SUGCT: variants seen among roughly 807,000 people sequenced by gnomAD.
SUGCT encodes the protein succinyl-CoA:glutarate-CoA transferase, also known as succinyl-CoA:glutarate CoA-transferase.
Under a neutral mutation model 55.0 loss-of-function variants are expected in SUGCT, and 41 were observed. That is an observed-to-expected ratio of 0.74 (90% CI 0.58 to 0.97). The LOEUF (loss-of-function observed/expected upper bound fraction) is 0.97. SUGCT is among the 50% of genes least tolerant of loss of function. SUGCT has a pLI of 0.00. For missense variants in SUGCT, 568 were observed against 547.8 expected (o/e 1.04, Z -0.37); for synonymous variants, 187 against 200.4 (o/e 0.93, Z 0.56).
intron 12 of SUGCT, among the ~76,000 whole-genome samples, chr7:40,643,623 T>C (rs1800364175): frequency 6.6e-6 from 1 of 152,246 alleles, no homozygotes; most frequent in Non-Finnish European, 1.5e-5. Flanking sequence ...AAAAAATCTC[T>C]AGGCCTTCTC....
intron 10 of SUGCT, among the ~76,000 whole-genome samples, chr7:40,458,235 C>T (rs1789592077): frequency 6.6e-6 from 1 of 152,188 alleles, no homozygotes; most frequent in Non-Finnish European, 1.5e-5. Context: ...GGCCGCATGG[C>T]CTGCCCCCAG....
intron 13 of SUGCT, among the ~76,000 whole-genome samples, chr7:40,805,206 C>G (rs1431581688): frequency 6.6e-6 from 1 of 152,112 alleles, no homozygotes; most frequent in Non-Finnish European, 1.5e-5. Context: ...GGCATTGTCT[C>G]TAAAGGCACA....
chr7:40,889,148 G>A, the SUGCT span, among the ~76,000 whole-genome samples: 13 of 152,204 alleles, frequency 8.5e-5, no homozygotes, highest in Admixed American at 2.6e-4. Context: ...TACATCGATG[G>A]GCTGGGCAGG....
intron 9 of SUGCT, among the ~76,000 whole-genome samples, chr7:40,367,805 T>C (rs1251197554): frequency 6.6e-6 from 1 of 151,936 alleles, no homozygotes; most frequent in Non-Finnish European, 1.5e-5. Flanking sequence ...GCTTCCACTT[T>C]TGCCTCCCAA....
chr7:40,162,746 C>T (rs930961017), intron 1 of SUGCT, among the ~76,000 whole-genome samples: 5 of 152,212 alleles, frequency 3.3e-5, no homozygotes, highest in South Asian at 2.1e-4. Flanking sequence ...CCTTGGCCTT[C>T]CAAATGTTGG....
At chr7:40,441,659 A>G (rs920036763) in intron 9 of SUGCT, among the ~76,000 whole-genome samples, 1 of 152,204 alleles carries the variant, frequency 6.6e-6, no homozygotes, top group African/African-American at 2.4e-5. Context: ...TGCCTGTTGC[A>G]GAGATGGAGC....
intron 9 of SUGCT, among the ~76,000 whole-genome samples, chr7:40,330,501 G>T (rs1046277959): frequency 6.6e-6 from 1 of 151,240 alleles, no homozygotes; most frequent in Non-Finnish European, 1.5e-5. Flanking sequence ...TTTGCCGGAT[G>T]CCTAGCTTGA....
chr7:40,757,038 A>T (rs528967758), intron 13 of SUGCT, among the ~76,000 whole-genome samples: 2 of 152,204 alleles, frequency 1.3e-5, no homozygotes, highest in Admixed American at 1.3e-4. Flanking sequence ...TCCTTAACCC[A>T]TGGCAGGGTA....
intron 9 of SUGCT, among the ~76,000 whole-genome samples, chr7:40,387,310 A>G (rs1785175624): frequency 6.6e-6 from 1 of 152,082 alleles, no homozygotes; most frequent in South Asian, 2.1e-4. Flanking sequence ...TGATTTCTTT[A>G]CCATGGGGAA....
chr7:40,251,508 A>G (rs1226739314), intron 7 of SUGCT, among the ~76,000 whole-genome samples: 1 of 152,124 alleles, frequency 6.6e-6, no homozygotes, highest in Non-Finnish European at 1.5e-5. Flanking sequence ...TGCTGTCCTT[A>G]TAGGGTTCAG....
At chr7:40,598,062 A>G (rs569487078) in intron 12 of SUGCT, among the ~76,000 whole-genome samples, 5 of 152,192 alleles carry the variant, frequency 3.3e-5, no homozygotes, top group East Asian at 1.9e-4. Context: ...TAGTGTACCC[A>G]TGGCTTCTCA....
chr7:40,954,099 C>A, the SUGCT span, among the ~76,000 whole-genome samples: 1 of 145,884 alleles, frequency 6.9e-6, no homozygotes, highest in East Asian at 1.9e-4. Flanking sequence ...GTGGGCTCCA[C>A]CCAGTTCGAG....
intron 12 of SUGCT, among the ~76,000 whole-genome samples, chr7:40,685,960 A>G (rs1477945444): frequency 6.6e-6 from 1 of 152,212 alleles, no homozygotes; most frequent in Non-Finnish European, 1.5e-5. Flanking sequence ...GTTACTTTCT[A>G]GATAGATCAT....
chr7:40,972,706 A>T, the SUGCT span, among the ~76,000 whole-genome samples: 1 of 152,200 alleles, frequency 6.6e-6, no homozygotes, highest in African/African-American at 2.4e-5. Context: ...AGGATGCTAC[A>T]TTCTTGCCAT....
At chr7:40,652,056 C>T (rs1347039088) in intron 12 of SUGCT, among the ~76,000 whole-genome samples, 1 of 152,076 alleles carries the variant, frequency 6.6e-6, no homozygotes, top group African/African-American at 2.4e-5. Context: ...AATTTCTACT[C>T]AGTCCTGAAA....
intron 13 of SUGCT, among the ~76,000 whole-genome samples, chr7:40,796,713 T>C (rs1297304401): frequency 6.6e-6 from 1 of 152,228 alleles, no homozygotes; most frequent in Admixed American, 6.5e-5. Context: ...TCTTCATCAC[T>C]AAGCTATATT....
chr7:40,418,122 T>G (rs549517176), intron 9 of SUGCT, among the ~76,000 whole-genome samples: 1 of 152,336 alleles, frequency 6.6e-6, no homozygotes, highest in South Asian at 2.1e-4. Flanking sequence ...GTTAGGTTTT[T>G]GAATATTACA....
chr7:41,026,277 G>T, the SUGCT span, among the ~76,000 whole-genome samples: 4 of 152,168 alleles, frequency 2.6e-5, no homozygotes. Flanking sequence ...GCTGAAGGGG[G>T]TATGTTTTCT....
At chr7:40,534,696 G>C (rs138873572) in intron 12 of SUGCT, among the ~76,000 whole-genome samples, 2,031 of 152,270 alleles carry the variant, frequency 0.013, 34 homozygotes, top group African/African-American at 0.036. Context: ...TGAGATTACA[G>C]GTGTGAGCCA....
Sources: allele counts gnomAD v4.1 joint callset (sites outside exome capture counted in the v4.1 genomes callset), GRCh38; gene constraint gnomAD v4.1.1; transcripts MANE v1.5; gene names NCBI Gene and HGNC (gene_info 2026-07-23, HGNC 2026-07-21).